CHN1: variants seen among roughly 807,000 people sequenced by gnomAD.
CHN1 encodes the protein N-chimaerin.
Under a neutral mutation model 59.5 loss-of-function variants are expected in CHN1, and 37 were observed. The ratio of observed to expected loss-of-function variants is 0.62; its 90% CI spans 0.48 to 0.82. The LOEUF (loss-of-function observed/expected upper bound fraction) is 0.82. Ranked by LOEUF, CHN1 falls within the 40% of genes least tolerant of loss-of-function variation. CHN1 has a pLI of 0.00. For synonymous variants in CHN1, 206 were observed against 200.4 expected (o/e 1.03, Z -0.24); for missense variants, 469 against 571.0 (o/e 0.82, Z 1.82).
At chr2:174,827,162 C>A (rs528397797) in intron 7 of CHN1, among the ~76,000 whole-genome samples, 1 of 152,222 alleles carries the variant, frequency 6.6e-6, no homozygotes, top group East Asian at 1.9e-4. Context: ...GACTCTATGA[C>A]ACTTTATTAT....
intron 1 of CHN1, among the ~76,000 whole-genome samples, chr2:174,959,948 C>T (rs1052189141): frequency 6.6e-6 from 1 of 152,138 alleles, no homozygotes; most frequent in Non-Finnish European, 1.5e-5. Context: ...CCAAACAGTG[C>T]AGGGCTGGTC....
At chr2:174,812,843 G>A (rs1685122489) in intron 8 of CHN1, among the ~76,000 whole-genome samples, 1 of 152,086 alleles carries the variant, frequency 6.6e-6, no homozygotes. Context: ...TATTTAATGT[G>A]GGGTATAATT....
At chr2:174,961,153 G>GGAAGGAAGGGAGGAAGGGAAGGGAGGGAT (rs1558999375) in intron 1 of CHN1, among the ~76,000 whole-genome samples, 1 of 143,388 alleles carries the variant, frequency 7.0e-6, no homozygotes, top group Non-Finnish European at 1.5e-5. Flanking sequence ...AAGGGAGGGA[G>GGAAGGAAGGGAGGAAGGGAAGGGAGGGAT]GGAGGCAGGG....
chr2:174,918,631 T>C (rs1345316788), intron 3 of CHN1, 66 bp from the exon 4 acceptor site: 25 of 1,299,888 alleles, frequency 1.9e-5, no homozygotes, highest in Non-Finnish European at 2.7e-5. Flanking sequence ...TAACTCAACA[T>C]TTTGTGCATG....
At position 174,814,485 on chromosome 2, in the gene CHN1, TTTATATC is replaced by T. The variant is rs542195486; in HGVS notation, c.713-2010_713-2004del. Among the ~76,000 whole-genome samples, 293 of 152,326 alleles carry T rather than the reference TTTATATC, an allele frequency of 1.9e-3. 1 individual carries two copies. Among genetic ancestry groups the T allele is most frequent in the East Asian group, 0.01 (52 of 5,192 alleles). On this transcript the variant is annotated intron_variant, in intron 8 of 12. Coordinates refer to ENST00000409900, the MANE Select transcript of CHN1 (RefSeq NM_001822.7). ...GAATATTTTAATGTTTTGGGTAACT[TTTATATC>T]TTAGAGTTCAGTCTAGAATTTATTA...
chr2:174,953,265 A>G (rs1690083757), intron 1 of CHN1, among the ~76,000 whole-genome samples: 1 of 152,180 alleles, frequency 6.6e-6, no homozygotes, highest in African/African-American at 2.4e-5. Context: ...CCAATCTGCA[A>G]CCTTTAAACT....
At chr2:174,898,529 G>A (rs1688288168) in intron 5 of CHN1, among the ~76,000 whole-genome samples, 4 of 151,722 alleles carry the variant, frequency 2.6e-5, no homozygotes, top group Admixed American at 2.0e-4. Context: ...ACTTGAACCC[G>A]GGAAGCAGAG....
chr2:174,991,736 T>C (rs1178032967), intron 1 of CHN1, among the ~76,000 whole-genome samples: 2 of 152,228 alleles, frequency 1.3e-5, no homozygotes, highest in African/African-American at 2.4e-5. Context: ...TAAAGTATTA[T>C]AAAGCAATAG....
In CHN1 at chr2:174,990,256, TGTGTGTGAGAGAGAGAGA is replaced by T. The variant is rs1293449008; in HGVS notation, c.19+14620_19+14637del. On this transcript the variant is annotated intron_variant, in intron 1 of 12. Transcript: ENST00000409900. ...GTCTGTGTGTGTGTGTGTGTGTGTG[TGTGTGTGAGAGAGAGAGA>T]GAGAGAGAGAGAGCGCGAGCGCAAG... Among the ~76,000 whole-genome samples, 13 of 95,446 alleles carry T rather than the reference TGTGTGTGAGAGAGAGAGA, an allele frequency of 1.4e-4. 1 individual carries two copies. In the East Asian group the frequency reaches 3.5e-3, roughly 25 times the overall value. 62.6% of individuals were successfully genotyped at this position (95,446 alleles called of 152,430 possible).
At chr2:174,941,721 G>A (rs1021670026) in intron 3 of CHN1, among the ~76,000 whole-genome samples, 1 of 151,930 alleles carries the variant, frequency 6.6e-6, no homozygotes, top group African/African-American at 2.4e-5. Context: ...CTTCTCTTTT[G>A]CAAAAATAAA....
At chr2:174,818,306 T>TGAA (rs1259527128) in intron 8 of CHN1, among the ~76,000 whole-genome samples, 21 of 152,232 alleles carry the variant, frequency 1.4e-4, no homozygotes, top group Non-Finnish European at 1.5e-4. Context: ...GGACTGGATA[T>TGAA]GAAGTCTTTG....
In CHN1 at chr2:174,799,976, C is replaced by T. The variant is rs1558927688; in HGVS notation, c.*140G>A. 1.2e-6 allele frequency: 1 copy of T among 812,792 alleles called. No homozygotes were observed. Among genetic ancestry groups the T allele is most frequent in the South Asian group, 1.5e-5 (1 of 68,888 alleles). 50.3% of individuals were successfully genotyped at this position (812,792 alleles called of 1,614,324 possible). On this transcript the variant is annotated 3_prime_UTR_variant, in exon 13 of 13. Transcript: ENST00000409900. ...AGACAGCTGAGCGGTGCTACAAAAA[C>T]AACAGAAAGTTCCTTCACTTTAATC...
At chr2:174,889,160 G>C (rs1463428536) in intron 5 of CHN1, among the ~76,000 whole-genome samples, 4 of 152,132 alleles carry the variant, frequency 2.6e-5, no homozygotes, top group African/African-American at 9.7e-5. Context: ...CACAAGCCCA[G>C]AGAAAACACA....
intron 11 of CHN1, among the ~76,000 whole-genome samples, chr2:174,808,014 A>C (rs1206843044): frequency 6.6e-6 from 1 of 152,244 alleles, no homozygotes; most frequent in Non-Finnish European, 1.5e-5. Context: ...AGTGTGAATT[A>C]CAAGTATGAT....
chr2:174,814,363 C>A (rs1685172495), intron 8 of CHN1, among the ~76,000 whole-genome samples: 2 of 152,218 alleles, frequency 1.3e-5, no homozygotes, highest in Non-Finnish European at 1.5e-5. Flanking sequence ...AGAACCAAAT[C>A]CCAAATTCTT....
chr2:174,812,729 G>C (rs1685118143), intron 8 of CHN1, among the ~76,000 whole-genome samples: 2 of 151,534 alleles, frequency 1.3e-5, no homozygotes, highest in Non-Finnish European at 2.9e-5. Flanking sequence ...GATCTCAGGA[G>C]AATACAACAA....
chr2:174,961,515 C>T (rs1019319391), intron 1 of CHN1, among the ~76,000 whole-genome samples: 5 of 151,542 alleles, frequency 3.3e-5, no homozygotes, highest in Non-Finnish European at 5.9e-5. Flanking sequence ...CGCTTGAACC[C>T]GGGAGGCGGA....
chr2:174,881,862 A>G (rs1487656795), intron 5 of CHN1, among the ~76,000 whole-genome samples: 1 of 152,214 alleles, frequency 6.6e-6, no homozygotes, highest in East Asian at 1.9e-4. Flanking sequence ...CAAGCAAAGA[A>G]GGTCTTTCCA....
intron 6 of CHN1, among the ~76,000 whole-genome samples, chr2:174,871,442 C>T (rs1443206739): frequency 6.6e-6 from 1 of 151,988 alleles, no homozygotes; most frequent in East Asian, 1.9e-4. Context: ...TTTGGCTGAA[C>T]TCATTTTTAA....
Sources: allele counts gnomAD v4.1 joint callset (sites outside exome capture counted in the v4.1 genomes callset), GRCh38; gene constraint gnomAD v4.1.1; transcripts MANE v1.5; gene names NCBI Gene and HGNC (gene_info 2026-07-23, HGNC 2026-07-21).